ITGA3: variants seen among roughly 807,000 people sequenced by gnomAD.
ITGA3 encodes the protein integrin subunit alpha 3.
A neutral mutation model predicts 131.1 loss-of-function variants in ITGA3; 70 were observed. The observed-to-expected ratio is 0.53, with a 90% confidence interval of 0.44 to 0.65. The LOEUF is 0.65. Among genes scored for constraint, ITGA3 ranks in the 30% least tolerant of loss-of-function variants. The pLI is 0.00. For missense variants in ITGA3, 1,098 were observed against 1,388.6 expected (o/e 0.79, Z 3.33); for synonymous variants, 537 against 571.6 (o/e 0.94, Z 0.86).
chr17:50,078,019 T>A (rs1416605466), intron 16 of ITGA3, 27 bp from the exon 17 acceptor site: 2 of 1,591,396 alleles, frequency 1.3e-6, no homozygotes, highest in South Asian at 2.2e-5. Flanking sequence ...CATATGCCAC[T>A]CTCTGCCTCC....
intron 1 of ITGA3, among the ~76,000 whole-genome samples, chr17:50,061,756 C>G (rs1040063118): frequency 6.6e-6 from 1 of 152,168 alleles, no homozygotes; most frequent in African/African-American, 2.4e-5. Context: ...ATTCCTGGGT[C>G]CAGCCAGGCA....
At chr17:50,075,099 A>G (rs1471722768) in intron 10 of ITGA3, among the ~76,000 whole-genome samples, 1 of 152,192 alleles carries the variant, frequency 6.6e-6, no homozygotes, top group Non-Finnish European at 1.5e-5. Flanking sequence ...TCAGAAGACA[A>G]AGGCAGACAG....
chr17:50,075,496 G>C lies in ITGA3; in HGVS notation c.1507G>C (p.Ala503Pro). ...VELCFAYNQS[A>P]GNPNYRRNIT... Reference sequence around the variant, plus strand: ...GCTGTGCTTTGCTTACAACCAGAGTGCCGGGAACCCCAACTACAGGCGAAA... The same window carrying C: ...GCTGTGCTTTGCTTACAACCAGAGTCCCGGGAACCCCAACTACAGGCGAAA... Residue 503 changes from alanine (A) to proline (P), a missense_variant, in exon 11 of 26, where the codon GCC (alanine) becomes CCC (proline). Around this residue, in one of 3 missense-constraint regions of ITGA3, gnomAD observed 699 missense variants for 829.2 expected, o/e 0.84. Transcript: ENST00000320031. The C allele has an allele frequency of 6.2e-7, 1 of 1,614,246 alleles. No individual in the cohort carries two copies. The highest frequency in any genetic ancestry group is 8.5e-7 in the Non-Finnish European group (1 of 1,180,054).
At position 50,056,653 on chromosome 17, in the gene ITGA3, A is replaced by C. The variant is rs908322767; in HGVS notation, c.206+8A>C. On this transcript the variant is annotated splice_region_variant and intron_variant, in intron 1 of 25. Coordinates refer to ENST00000320031, the MANE Select transcript of ITGA3 (RefSeq NM_002204.4). The surrounding 1 kb of genome is among the most constrained non-coding windows in gnomAD (Gnocchi z 5.6). ...GCGGCAGCAGCGCTACCTGTAAGTG[A>C]AGCTGGAGGGTGTGGGGTGGGAGCG... 6.3e-7 allele frequency: 1 copy of C among 1,596,308 alleles called. No homozygotes were observed. The highest frequency in any genetic ancestry group is 1.3e-5 in the African/African-American group (1 of 74,198).
At position 50,081,293 on chromosome 17, in the gene ITGA3, C is replaced by T; in HGVS notation, c.2821-17C>T. 3 of 1,541,258 alleles carry T rather than the reference C, an allele frequency of 1.9e-6. No homozygotes were observed. Among genetic ancestry groups the T allele is most frequent in the Non-Finnish European group, 2.7e-6 (3 of 1,130,348 alleles). ...AGTGTCAAGTGTTCCCCTTGACCCA[C>T]CCCACTCCCAATCCAGGATTACAGA... On this transcript the variant is annotated splice_polypyrimidine_tract_variant and intron_variant, in intron 22 of 25. Coordinates refer to ENST00000320031, the MANE Select transcript of ITGA3 (RefSeq NM_002204.4).
intron 7 of ITGA3, 120 bp from the exon 8 acceptor site, chr17:50,073,796 C>G (rs1908744970): frequency 2.7e-6 from 2 of 727,498 alleles, no homozygotes; most frequent in African/African-American, 1.7e-5. Context: ...TGCTCTGAGC[C>G]CTGCCCATCA....
intron 1 of ITGA3, among the ~76,000 whole-genome samples, chr17:50,060,222 C>T (rs1321774383): frequency 6.6e-6 from 1 of 152,170 alleles, no homozygotes; most frequent in Non-Finnish European, 1.5e-5. Flanking sequence ...GGAGTGAGGC[C>T]CTGCCATGTT....
Position 50,064,390 on chromosome 17 carries a change from A to G in ITGA3, c.335-138A>G. 1 of 1,114,652 alleles carries G rather than the reference A, an allele frequency of 9.0e-7. No homozygotes were observed. Among genetic ancestry groups the G allele is most frequent in the Non-Finnish European group, 1.3e-6 (1 of 780,552 alleles). 69.0% of individuals were successfully genotyped at this position (1,114,652 alleles called of 1,614,324 possible). A position where few individuals can be genotyped will look rare whatever the true frequency, so the allele number is the denominator to read the frequency against. ...GGGATTGGTAGAGCTCAGAATAATG[A>G]CGAGCTGGAGAAGGGGAGTTGGGAG... is the stretch of plus-strand genomic sequence containing the variant. On this transcript the variant is annotated intron_variant, in intron 2 of 25. Coordinates refer to ENST00000320031, the MANE Select transcript of ITGA3 (RefSeq NM_002204.4). The surrounding 1 kb of genome is among the most constrained non-coding windows in gnomAD (Gnocchi z 4.4).
chr17:50,058,991 G>A (rs896929509), intron 1 of ITGA3, among the ~76,000 whole-genome samples: 3 of 152,208 alleles, frequency 2.0e-5, no homozygotes, highest in African/African-American at 4.8e-5. Context: ...GGTGGGAGGA[G>A]GGGAGAGCAC....
chr17:50,076,666 A>G lies in ITGA3; in HGVS notation c.1907A>G (p.Gln636Arg), dbSNP rs1343165986. ...CGGGCAGCCTTCGTGTCAGAGCAGC[A>G]GCAGAAGCTGAGCAGGTGGCTGTGG... The part of the protein sequence containing the change: ...QMRAAFVSEQ[Q>R]QKLSRLQYSR... The change falls in exon 14 of 26, where the codon CAG becomes CGG. Residue 636 changes from glutamine to arginine, a missense_variant. By Grantham distance (43) the Gln-to-Arg change is conservative (BLOSUM62 1). Coordinates refer to ENST00000320031, the MANE Select transcript of ITGA3 (RefSeq NM_002204.4). 6.2e-7 allele frequency: 1 copy of G among 1,613,382 alleles called. No individual in the cohort carries two copies. The highest frequency in any genetic ancestry group is 1.1e-5 in the South Asian group (1 of 91,076).
chr17:50,070,150 C>A (rs1261267590), intron 4 of ITGA3, among the ~76,000 whole-genome samples: 1 of 152,206 alleles, frequency 6.6e-6, no homozygotes. Context: ...GGGGTCAGGA[C>A]CAGAAAGAGA....
rs1567698570 is a variant in ITGA3, at chr17:50,068,845, TATTTATTTATTTA to T, written c.664+541_664+553del. Among the ~76,000 whole-genome samples the T allele has an allele frequency of 5.9e-3, 718 of 122,042 alleles. 2 individuals are homozygous for T. Among genetic ancestry groups the T allele is most frequent in the East Asian group, 0.029 (71 of 2,444 alleles). 80.1% of individuals were successfully genotyped at this position (122,042 alleles called of 152,430 possible). ...TTATTTATTTATTTATTTATTTATT[TATTTATTTATTTA>T]TTTTTTTGAGACAGAGTCTCACTCT... On this transcript the variant is annotated intron_variant, in intron 4 of 25. Coordinates refer to ENST00000320031, the MANE Select transcript of ITGA3 (RefSeq NM_002204.4).
Position 50,074,280 on chromosome 17 carries a change from G to A in ITGA3, c.1382G>A (p.Arg461Gln), listed in dbSNP as rs772057144. The change falls in exon 9 of 26, where the codon CGG becomes CAG. Residue 461 changes from arginine (R) to glutamine (Q), a missense_variant and splice_region_variant. Physicochemically the swap from Arg to Gln is conservative, Grantham distance 43 (BLOSUM62 1). Transcript: ENST00000320031. ...GSLSDHIVLL[R>Q]ARPVINIVHK... ...CTGTCAGACCACATTGTGCTGCTGC[G>A]GTGAGCCAGGAGGCCAGTGAATAAG... 5.6e-6 allele frequency: 9 copies of A among 1,613,726 alleles called. No individual in the cohort carries two copies. The highest frequency in any genetic ancestry group is 1.3e-5 in the African/African-American group (1 of 74,916).
Position 50,076,347 on chromosome 17 carries a change from C to T in ITGA3, c.1696C>T (p.Arg566Cys). 1 of 1,613,720 alleles carries T rather than the reference C, an allele frequency of 6.2e-7. No homozygotes were observed. The highest frequency in any genetic ancestry group is 8.5e-7 in the Non-Finnish European group (1 of 1,179,956). Reference sequence around the variant, plus strand: ...CCAGGACAACCTCCGTGACAAACTCCGCCCCATCATCATCTCCATGAACTA... The same window carrying T: ...CCAGGACAACCTCCGTGACAAACTCTGCCCCATCATCATCTCCATGAACTA... ...LLMDNLRDKLRPIIISMNYSL... is the reference protein window; with the variant it reads ...LLMDNLRDKLCPIIISMNYSL... The change falls in exon 13 of 26, where the codon CGC becomes TGC. Residue 566 changes from arginine to cysteine, a missense_variant. Arg to Cys is a radical substitution (Grantham distance 180). Transcript: ENST00000320031.
chr17:50,089,822 T>C lies in ITGA3; in HGVS notation c.*744T>C. ...TGTCTACGGGGGCACTTGGAGGACCTGGCGTGCTCAGACCCAACAGCAAAG... is the reference window on the plus strand; with the variant it reads ...TGTCTACGGGGGCACTTGGAGGACCCGGCGTGCTCAGACCCAACAGCAAAG... On this transcript the variant is annotated 3_prime_UTR_variant, in exon 26 of 26. Transcript: ENST00000320031. 1 of 168,264 alleles carries C rather than the reference T, an allele frequency of 5.9e-6. No individual in the cohort carries two copies. Among genetic ancestry groups the C allele is most frequent in the Non-Finnish European group, 1.3e-5 (1 of 76,856 alleles). The allele number at this position is 168,264 out of a possible 1,614,324, so 10.4% of individuals were successfully genotyped here.
At chr17:50,075,226 C>T (rs1908825766) in intron 10 of ITGA3, among the ~76,000 whole-genome samples, 1 of 152,148 alleles carries the variant, frequency 6.6e-6, no homozygotes, top group Non-Finnish European at 1.5e-5. Context: ...CCTTCTGGGC[C>T]CTAGGCCTCA....
chr17:50,061,633 G>T (rs1440449832), intron 1 of ITGA3, among the ~76,000 whole-genome samples: 1 of 152,074 alleles, frequency 6.6e-6, no homozygotes, highest in Non-Finnish European at 1.5e-5. Context: ...GTGATCACCT[G>T]GTATCCTCAA....
rs1028209433 is a variant in ITGA3 at position 50,089,543 on chromosome 17, G to A, written c.*465G>A. The A allele has an allele frequency of 1.1e-5, 5 of 459,662 alleles. No individual in the cohort carries two copies. The highest frequency in any genetic ancestry group is 5.8e-5 in the African/African-American group (3 of 51,322). The allele number at this position is 459,662 out of a possible 1,614,324, so 28.5% of individuals were successfully genotyped here. On this transcript the variant is annotated 3_prime_UTR_variant, in exon 26 of 26. Transcript: ENST00000320031. ...CTCGTGGACTGTGCTGGTGCATCAC[G>A]GATGGTGCATGGGCTCGCCGTGTCT...
At chr17:50,076,198 C>A in intron 12 of ITGA3, 128 bp from the exon 13 acceptor site, 1 of 1,066,534 alleles carries the variant, frequency 9.4e-7, no homozygotes, top group Non-Finnish European at 1.3e-6. Context: ...GGAGGGAGTT[C>A]AGCCTAACTG....
Sources: allele counts gnomAD v4.1 joint callset (sites outside exome capture counted in the v4.1 genomes callset), GRCh38; gene constraint gnomAD v4.1.1; regional missense constraint gnomAD v4.1.1; non-coding constraint Gnocchi (gnomAD v3.1); transcripts MANE v1.5; gene names NCBI Gene and HGNC (gene_info 2026-07-23, HGNC 2026-07-21).